The following ENTREP2 variants were observed in gnomAD, a reference collection of about 807,000 sequenced individuals.
The protein encoded by ENTREP2 is endosomal transmembrane epsin interactor 2.
chr15:29,638,150 G>A, the ENTREP2 span, among the ~76,000 whole-genome samples: 2 of 152,208 alleles, frequency 1.3e-5, no homozygotes, highest in African/African-American at 4.8e-5. Context: ...AAAGGAATCT[G>A]GCCTTGTCAG....
At chr15:29,305,819 A>G in the ENTREP2 span, among the ~76,000 whole-genome samples, 3 of 152,226 alleles carry the variant, frequency 2.0e-5, no homozygotes, top group African/African-American at 7.2e-5. Flanking sequence ...AAGCTGAACT[A>G]AAGATAGTTT....
the ENTREP2 span, among the ~76,000 whole-genome samples, chr15:29,520,532 T>G: frequency 1.3e-5 from 2 of 152,012 alleles, no homozygotes; most frequent in African/African-American, 4.8e-5. Flanking sequence ...CACCTGACCC[T>G]ATATTAAATT....
chr15:29,633,413 T>C, the ENTREP2 span, among the ~76,000 whole-genome samples: 12 of 152,146 alleles, frequency 7.9e-5, no homozygotes. Flanking sequence ...AAATAATCCA[T>C]TGTAATTCAA....
At chr15:29,234,866 G>C in the ENTREP2 span, 8 of 1,449,196 alleles carry the variant, frequency 5.5e-6, no homozygotes, top group African/African-American at 1.1e-4. Flanking sequence ...TTGGTGCCCC[G>C]AACGAATTGT....
At chr15:29,492,776 G>A in the ENTREP2 span, among the ~76,000 whole-genome samples, 1 of 152,086 alleles carries the variant, frequency 6.6e-6, no homozygotes, top group South Asian at 2.1e-4. Flanking sequence ...GGCCAAAGCA[G>A]GTAGATCACC....
At chr15:29,383,929 C>T in the ENTREP2 span, among the ~76,000 whole-genome samples, 2 of 152,184 alleles carry the variant, frequency 1.3e-5, no homozygotes, top group African/African-American at 4.8e-5. Context: ...TCCCACCGCC[C>T]GGGTCCCCTC....
the ENTREP2 span, among the ~76,000 whole-genome samples, chr15:29,329,950 T>C: frequency 1.3e-5 from 2 of 152,150 alleles, no homozygotes; most frequent in South Asian, 2.1e-4. Flanking sequence ...AAGAGGAACA[T>C]GATTCCCCAC....
chr15:29,505,853 T>C, the ENTREP2 span, among the ~76,000 whole-genome samples: 1 of 152,046 alleles, frequency 6.6e-6, no homozygotes. This position sits in a 1 kb window ranked among gnomAD's most constrained non-coding sequence, Gnocchi z 4.3. Flanking sequence ...ATGCCCCTTC[T>C]CCTCCAAAGG....
the ENTREP2 span, among the ~76,000 whole-genome samples, chr15:29,355,556 T>C: frequency 6.6e-6 from 1 of 151,682 alleles, no homozygotes; most frequent in Non-Finnish European, 1.5e-5. Flanking sequence ...ATTTAAATGA[T>C]TAATAATGCA....
At chr15:29,396,394 T>C in the ENTREP2 span, among the ~76,000 whole-genome samples, 1 of 152,180 alleles carries the variant, frequency 6.6e-6, no homozygotes, top group African/African-American at 2.4e-5. Flanking sequence ...TAATTTCACT[T>C]AGCATAATGT....
the ENTREP2 span, among the ~76,000 whole-genome samples, chr15:29,468,109 T>A: frequency 6.6e-6 from 1 of 152,010 alleles, no homozygotes; most frequent in South Asian, 2.1e-4. Context: ...TTGTTTTTAT[T>A]CCCCCAAAGA....
the ENTREP2 span, among the ~76,000 whole-genome samples, chr15:29,635,133 G>C: frequency 6.6e-6 from 1 of 152,194 alleles, no homozygotes; most frequent in Non-Finnish European, 1.5e-5. Flanking sequence ...ATGAGCCACC[G>C]CACCCGGCCT....
chr15:29,634,263 T>C, the ENTREP2 span, among the ~76,000 whole-genome samples: 5 of 152,072 alleles, frequency 3.3e-5, no homozygotes, highest in Admixed American at 2.0e-4. Context: ...ACTTGCCCTG[T>C]GGGGTAAGGG....
At chr15:29,191,387 T>C in the ENTREP2 span, among the ~76,000 whole-genome samples, 1 of 151,956 alleles carries the variant, frequency 6.6e-6, no homozygotes, top group African/African-American at 2.4e-5. Context: ...AGATATAAAA[T>C]ACACTGAAAA....
At chr15:29,426,036 AAAG>A in the ENTREP2 span, among the ~76,000 whole-genome samples, 1 of 150,456 alleles carries the variant, frequency 6.6e-6, no homozygotes, top group South Asian at 2.1e-4. Flanking sequence ...ATTATTACAT[AAAG>A]ATAATTGATT....
chr15:29,235,322 CTTCTT>C, the ENTREP2 span, among the ~76,000 whole-genome samples: 4 of 152,180 alleles, frequency 2.6e-5, no homozygotes, highest in Admixed American at 1.3e-4. Flanking sequence ...TTGTATACTC[CTTCTT>C]TTACCTTTTT....
At chr15:29,489,186 A>C in the ENTREP2 span, among the ~76,000 whole-genome samples, 1 of 152,312 alleles carries the variant, frequency 6.6e-6, no homozygotes, top group Non-Finnish European at 1.5e-5. Flanking sequence ...CAAAGTTCTG[A>C]ATCACAGGCA....
At chr15:29,570,543 G>A in the ENTREP2 span, 1 of 1,462,148 alleles carries the variant, frequency 6.8e-7, no homozygotes, top group Non-Finnish European at 9.0e-7. Context: ...TGGCGGACGC[G>A]GGCCGAGGTG....
the ENTREP2 span, among the ~76,000 whole-genome samples, chr15:29,237,769 CTA>C: frequency 0.036 from 5,445 of 152,250 alleles, 361 homozygotes; most frequent in African/African-American, 0.12. Flanking sequence ...AATGATTCAA[CTA>C]GAGTTACCAA....
Sources: gnomAD v4.1 joint callset for allele counts (sites outside exome capture counted in the v4.1 genomes callset) on GRCh38, gnomAD v4.1.1 for gene constraint, Gnocchi (gnomAD v3.1) non-coding constraint, MANE v1.5 for transcripts, NCBI Gene and HGNC (gene_info 2026-07-23, HGNC 2026-07-21) for gene names.